Variants in ATG10 observed in about 807,000 individuals in gnomAD.
ATG10 encodes the protein autophagy related 10.
Under a neutral mutation model 32.1 loss-of-function variants are expected in ATG10, and 30 were observed. The observed-to-expected ratio is 0.94, with a 90% CI of 0.70 to 1.27. The LOEUF is 1.27. Among genes scored for constraint, ATG10 ranks in the 50% most tolerant of loss-of-function variants. ATG10 has a pLI of 0.00. For missense variants in ATG10, 233 were observed against 262.3 expected (o/e 0.89, Z 0.77); for synonymous variants, 87 against 91.5 (o/e 0.95, Z 0.28).
At chr5:82,004,520 A>G (rs1761936395) in intron 2 of ATG10, among the ~76,000 whole-genome samples, 1 of 152,214 alleles carries the variant, frequency 6.6e-6, no homozygotes, top group Non-Finnish European at 1.5e-5. Context: ...TATTTCTTCA[A>G]AAAGTCAATG....
At chr5:82,234,384 G>A (rs1211606231) in intron 5 of ATG10, among the ~76,000 whole-genome samples, 1 of 152,156 alleles carries the variant, frequency 6.6e-6, no homozygotes, top group South Asian at 2.1e-4. Context: ...CCCTGCAGAA[G>A]CAGGGCTTAG....
At chr5:81,993,095 C>G (rs1237642252) in intron 2 of ATG10, among the ~76,000 whole-genome samples, 1 of 152,080 alleles carries the variant, frequency 6.6e-6, no homozygotes, top group Non-Finnish European at 1.5e-5. Flanking sequence ...AGAGCATGGT[C>G]TTCACAGTCA....
chr5:82,137,388 G>C (rs1467247942), intron 3 of ATG10, among the ~76,000 whole-genome samples: 1 of 152,132 alleles, frequency 6.6e-6, no homozygotes, highest in South Asian at 2.1e-4. Context: ...ACCTTCAAAT[G>C]TCGTTTTTGC....
At chr5:82,077,773 G>C (rs1014101717) in intron 3 of ATG10, among the ~76,000 whole-genome samples, 1 of 152,132 alleles carries the variant, frequency 6.6e-6, no homozygotes, top group East Asian at 1.9e-4. Flanking sequence ...ACTTCGTTCT[G>C]ATTTGATTGA....
intron 2 of ATG10, among the ~76,000 whole-genome samples, chr5:82,020,235 A>C (rs765876272): frequency 6.6e-6 from 1 of 152,238 alleles, no homozygotes; most frequent in African/African-American, 2.4e-5. Context: ...GAGTAAGAGC[A>C]TGCTTCATTT....
At chr5:82,035,741 G>T (rs1307252708) in intron 2 of ATG10, among the ~76,000 whole-genome samples, 1 of 147,564 alleles carries the variant, frequency 6.8e-6, no homozygotes, top group African/African-American at 2.5e-5. Flanking sequence ...TAACATATAT[G>T]ATTATATATT....
chr5:82,012,991 C>T (rs1762168446), intron 2 of ATG10, among the ~76,000 whole-genome samples: 2 of 144,842 alleles, frequency 1.4e-5, no homozygotes, highest in Non-Finnish European at 1.5e-5. Context: ...GAGATGGAGT[C>T]TCGCCCTGTT....
chr5:82,031,498 A>G (rs536479099), intron 2 of ATG10, among the ~76,000 whole-genome samples: 1 of 152,240 alleles, frequency 6.6e-6, no homozygotes, highest in Non-Finnish European at 1.5e-5. Flanking sequence ...TAAACAAAGT[A>G]GGGTTAAGTT....
chr5:81,978,652 G>T (rs1050331292), intron 1 of ATG10, among the ~76,000 whole-genome samples: 4 of 151,810 alleles, frequency 2.6e-5, no homozygotes, highest in Non-Finnish European at 4.4e-5. Flanking sequence ...TAGATCTGTG[G>T]TTTTTTTTGT....
chr5:82,132,163 T>C (rs532479268), intron 3 of ATG10, among the ~76,000 whole-genome samples: 1 of 152,264 alleles, frequency 6.6e-6, no homozygotes, highest in Admixed American at 6.5e-5. Flanking sequence ...ATTTATTAAA[T>C]TAATAATGAT....
chr5:82,141,142 A>G lies in ATG10; in HGVS notation c.217-23257A>G, dbSNP rs970348695. On this transcript the variant is annotated intron_variant, in intron 3 of 7. Transcript: ENST00000282185. ...ACCAGAGACCTTTGTTCACTTGTTTATCTGCTGACCTTCCCTCCACTATTG... is the reference window on the plus strand; with the variant it reads ...ACCAGAGACCTTTGTTCACTTGTTTGTCTGCTGACCTTCCCTCCACTATTG... 6.9e-5 allele frequency among the ~76,000 whole-genome samples: 10 copies of G among 145,318 alleles called. 1 individual carries two copies. In the South Asian group the frequency reaches 7.0e-4, roughly 10 times the overall value.
chr5:82,030,038 C>T (rs1177034856), intron 2 of ATG10, among the ~76,000 whole-genome samples: 1 of 152,110 alleles, frequency 6.6e-6, no homozygotes, highest in African/African-American at 2.4e-5. Flanking sequence ...CACTAACCAC[C>T]AGTCTCCTTC....
intron 5 of ATG10, among the ~76,000 whole-genome samples, chr5:82,239,015 A>AT (rs1250764204): frequency 6.6e-6 from 1 of 152,202 alleles, no homozygotes; most frequent in Non-Finnish European, 1.5e-5. Flanking sequence ...ATTTGACATA[A>AT]TTTTTTAAAG....
At chr5:81,975,288 A>T (rs1760836892) in intron 1 of ATG10, among the ~76,000 whole-genome samples, 1 of 152,306 alleles carries the variant, frequency 6.6e-6, no homozygotes, top group Non-Finnish European at 1.5e-5. Context: ...TTACTTAAAA[A>T]TTTGATTACT....
At chr5:82,007,657 T>C (rs1762021003) in intron 2 of ATG10, among the ~76,000 whole-genome samples, 1 of 152,142 alleles carries the variant, frequency 6.6e-6, no homozygotes, top group African/African-American at 2.4e-5. Flanking sequence ...TCTCACTGTA[T>C]TGCCCATGCT....
At chr5:82,097,575 T>C (rs1328201759) in intron 3 of ATG10, among the ~76,000 whole-genome samples, 1 of 152,188 alleles carries the variant, frequency 6.6e-6, no homozygotes, top group Non-Finnish European at 1.5e-5. Context: ...AATTTTTAAA[T>C]ATATTTAAGT....
At chr5:82,087,009 T>A (rs994447785) in intron 3 of ATG10, among the ~76,000 whole-genome samples, 1 of 152,196 alleles carries the variant, frequency 6.6e-6, no homozygotes, top group African/African-American at 2.4e-5. Context: ...TCAAAATAAT[T>A]GCCTTAATGT....
chr5:82,018,406 A>G (rs1311929037), intron 2 of ATG10, among the ~76,000 whole-genome samples: 2 of 152,182 alleles, frequency 1.3e-5, no homozygotes, highest in Admixed American at 6.5e-5. Flanking sequence ...TTACCTTCCT[A>G]ATGATCTGAC....
chr5:82,246,527 AAAAAAAAG>A (rs1010310888), intron 5 of ATG10, among the ~76,000 whole-genome samples: 4 of 148,188 alleles, frequency 2.7e-5, no homozygotes, highest in Admixed American at 1.4e-4. Flanking sequence ...CTCTTAAAAA[AAAAAAAAG>A]AAAAAAAGAA....
Sources: gnomAD v4.1 joint callset for allele counts (sites outside exome capture counted in the v4.1 genomes callset) on GRCh38, gnomAD v4.1.1 for gene constraint, MANE v1.5 for transcripts, NCBI Gene and HGNC (gene_info 2026-07-23, HGNC 2026-07-21) for gene names.